The following CNTN5 variants were observed in gnomAD, a reference collection of about 807,000 sequenced individuals.
CNTN5 encodes the protein contactin-5.
Under a neutral mutation model 129.1 loss-of-function variants are expected in CNTN5, and 77 were observed. The ratio of observed to expected loss-of-function variants is 0.60; its 90% CI spans 0.50 to 0.72. The LOEUF is 0.72. Among genes scored for constraint, CNTN5 ranks in the 30% least tolerant of loss-of-function variants. CNTN5 has a pLI of 0.00. For synonymous variants in CNTN5, 509 were observed against 465.6 expected, an observed-to-expected ratio of 1.09 and a Z score of -1.20; for missense variants, 1,478 against 1,328.8, an observed-to-expected ratio of 1.11 and a Z score of -1.75.
intron 1 of CNTN5, among the ~76,000 whole-genome samples, chr11:99,161,909 A>G (rs1173917118): frequency 6.6e-6 from 1 of 152,208 alleles, no homozygotes; most frequent in East Asian, 1.9e-4. Flanking sequence ...CTCTTCAAGT[A>G]AAACACTATG....
rs577606269 is a variant in CNTN5, at chr11:99,562,971, A to C, written c.55+6702A>C. ...TCTTGCATGGATGACATTTTAAGAT[A>C]TGGGAAAGGAAATAATCACTCAACA... On this transcript the variant is annotated intron_variant, in intron 3 of 24. Coordinates refer to ENST00000524871, the MANE Select transcript of CNTN5 (RefSeq NM_014361.4). Among the ~76,000 whole-genome samples the C allele has an allele frequency of 3.3e-5, 5 of 152,340 alleles. No homozygotes were observed. In the East Asian group the frequency reaches 9.7e-4, roughly 29 times the overall value.
chr11:99,795,264 C>G (rs2135455102), intron 3 of CNTN5, among the ~76,000 whole-genome samples: 1 of 152,276 alleles, frequency 6.6e-6, no homozygotes, highest in East Asian at 1.9e-4. Flanking sequence ...AGTTTTTCAG[C>G]TCTAGCAGAT....
chr11:99,432,818 G>A (rs1038354187), intron 2 of CNTN5, among the ~76,000 whole-genome samples: 36 of 151,880 alleles, frequency 2.4e-4, no homozygotes, highest in African/African-American at 8.2e-4. Flanking sequence ...AGTGGCTGGC[G>A]GAAGTATGAT....
intron 1 of CNTN5, among the ~76,000 whole-genome samples, chr11:99,060,894 A>G (rs1864847417): frequency 6.6e-6 from 1 of 152,084 alleles, no homozygotes; most frequent in Non-Finnish European, 1.5e-5. Flanking sequence ...CCTATGAGAG[A>G]GTGCAAGTAA....
rs1445756700 is a variant in CNTN5 at position 99,763,817 on chromosome 11, A to G, written c.56-55727A>G. ...TGAATTGTGTGTGTAGAGAAATAGA[A>G]CAACCGTAAAAAATCTCAAGCATAA... On this transcript the variant is annotated intron_variant, in intron 3 of 24. Coordinates refer to ENST00000524871, the MANE Select transcript of CNTN5 (RefSeq NM_014361.4). 9.9e-5 allele frequency among the ~76,000 whole-genome samples: 15 copies of G among 152,216 alleles called. No individual in the cohort carries two copies. The East Asian group carries it at 2.7e-3, about 27-fold the overall frequency.
chr11:99,860,257 G>T (rs559992672), intron 6 of CNTN5, among the ~76,000 whole-genome samples: 142 of 152,002 alleles, frequency 9.3e-4, no homozygotes, highest in Middle Eastern at 3.4e-3. Context: ...GACTCTGTAG[G>T]TTTTCTACTC....
chr11:99,813,046 C>T (rs1322523557), intron 3 of CNTN5, among the ~76,000 whole-genome samples: 1 of 151,822 alleles, frequency 6.6e-6, no homozygotes, highest in Non-Finnish European at 1.5e-5. Context: ...ACCAATACTC[C>T]CAGATTGTAA....
intron 3 of CNTN5, among the ~76,000 whole-genome samples, chr11:99,704,611 CA>C (rs1954672530): frequency 1.3e-5 from 2 of 151,060 alleles, no homozygotes; most frequent in Admixed American, 1.3e-4. Flanking sequence ...GATTTTATCT[CA>C]AATACATATT....
intron 3 of CNTN5, among the ~76,000 whole-genome samples, chr11:99,613,209 A>C (rs533039910): frequency 3.4e-4 from 51 of 152,170 alleles, no homozygotes; most frequent in Admixed American, 2.2e-3. Flanking sequence ...CGTGTCAAGA[A>C]AGAGACCAGG....
intron 8 of CNTN5, among the ~76,000 whole-genome samples, chr11:99,968,943 AT>A (rs916732269): frequency 1.3e-5 from 2 of 151,950 alleles, no homozygotes; most frequent in Non-Finnish European, 2.9e-5. Flanking sequence ...TTATTTTTCT[AT>A]GTGTCTCTCT....
chr11:99,633,147 A>G (rs1265084821), intron 3 of CNTN5, among the ~76,000 whole-genome samples: 2 of 152,126 alleles, frequency 1.3e-5, no homozygotes, highest in East Asian at 3.9e-4. Context: ...CAGAATTCTT[A>G]AAAAGAGGAA....
chr11:99,505,811 C>T (rs912231479), intron 2 of CNTN5, among the ~76,000 whole-genome samples: 1 of 152,138 alleles, frequency 6.6e-6, no homozygotes, highest in East Asian at 1.9e-4. Context: ...AAGGATCTTC[C>T]TCTTTTCCCC....
intron 1 of CNTN5, among the ~76,000 whole-genome samples, chr11:99,177,329 A>G (rs1434936944): frequency 1.3e-5 from 2 of 152,174 alleles, no homozygotes; most frequent in African/African-American, 4.8e-5. Context: ...TAATGTCTAT[A>G]TAGTGTCAGA....
intron 13 of CNTN5, among the ~76,000 whole-genome samples, chr11:100,176,851 G>GGTGT (rs3031275): frequency 0.063 from 9,488 of 150,244 alleles, 366 homozygotes; most frequent in East Asian, 0.088. Context: ...CATATAGTAT[G>GGTGT]GTGTGTGTGT....
chr11:99,124,503 A>G (rs1474331918), intron 1 of CNTN5, among the ~76,000 whole-genome samples: 1 of 152,036 alleles, frequency 6.6e-6, no homozygotes, highest in East Asian at 1.9e-4. Flanking sequence ...AAACGCCCAC[A>G]TTAAAAAGTT....
intron 2 of CNTN5, among the ~76,000 whole-genome samples, chr11:99,523,663 TCAGAAC>T (rs1947366877): frequency 9.1e-4 from 121 of 132,752 alleles, no homozygotes; most frequent in African/African-American, 3.0e-3. Flanking sequence ...ACAGAACAGA[TCAGAAC>T]AGAACAGAAC....
At chr11:99,989,109 G>A (rs996841858) in intron 8 of CNTN5, among the ~76,000 whole-genome samples, 10 of 152,154 alleles carry the variant, frequency 6.6e-5, no homozygotes, top group Non-Finnish European at 4.4e-5. Context: ...AAATGTTAGA[G>A]TGAACTGTAT....
intron 1 of CNTN5, among the ~76,000 whole-genome samples, chr11:99,165,394 A>G (rs1398282407): frequency 1.3e-5 from 2 of 152,160 alleles, no homozygotes; most frequent in Admixed American, 6.5e-5. Flanking sequence ...CAAATTTGGC[A>G]TGTCAGGCCT....
intron 7 of CNTN5, among the ~76,000 whole-genome samples, chr11:99,934,639 C>T (rs1356651463): frequency 6.6e-6 from 1 of 151,872 alleles, no homozygotes; most frequent in Non-Finnish European, 1.5e-5. Context: ...CCTGTAATCC[C>T]AGCACAAGGC....
Sources: allele counts gnomAD v4.1 joint callset (sites outside exome capture counted in the v4.1 genomes callset), GRCh38; gene constraint gnomAD v4.1.1; transcripts MANE v1.5; gene names NCBI Gene and HGNC (gene_info 2026-07-23, HGNC 2026-07-21).